The following RALYL variants were observed in gnomAD, a reference collection of about 807,000 sequenced individuals.
RALYL encodes RNA-binding Raly-like protein.
A neutral mutation model predicts 35.1 loss-of-function variants in RALYL; 29 were observed. The ratio of observed to expected loss-of-function variants is 0.83; its 90% CI spans 0.61 to 1.13. The LOEUF (loss-of-function observed/expected upper bound fraction) is 1.13. Among genes scored for constraint, RALYL ranks in the 50% most tolerant of loss-of-function variants. The pLI, the probability that RALYL is intolerant of heterozygous loss-of-function variation, is 0.00. For missense variants in RALYL, 359 were observed against 360.4 expected, an observed-to-expected ratio of 1.00 and a Z score of 0.03; for synonymous variants, 120 against 127.6, an observed-to-expected ratio of 0.94 and a Z score of 0.40.
chr8:84,274,194 T>TGCATATGTGTGC (rs1216582118), intron 1 of RALYL, among the ~76,000 whole-genome samples: 8 of 152,200 alleles, frequency 5.3e-5, no homozygotes, highest in African/African-American at 1.7e-4. Flanking sequence ...GTGGTGGTGA[T>TGCATATGTGTGC]GCATATGTGT....
At chr8:84,913,669 T>C (rs1847947705) in intron 8 of RALYL, among the ~76,000 whole-genome samples, 1 of 151,980 alleles carries the variant, frequency 6.6e-6, no homozygotes. Context: ...GGAAATTCTT[T>C]TATAAACATG....
At chr8:84,284,273 CA>C (rs1343655936) in intron 1 of RALYL, among the ~76,000 whole-genome samples, 1 of 151,934 alleles carries the variant, frequency 6.6e-6, no homozygotes, top group Admixed American at 6.6e-5. Context: ...TTCAATTTTC[CA>C]TTATATAGAA....
At chr8:84,200,730 T>C (rs1300627930) in intron 1 of RALYL, among the ~76,000 whole-genome samples, 2 of 152,128 alleles carry the variant, frequency 1.3e-5, no homozygotes, top group African/African-American at 4.8e-5. Flanking sequence ...ATTTTGCAAA[T>C]AGTTTGTGAG....
At chr8:84,594,638 TAATC>T (rs1814058043) in intron 2 of RALYL, among the ~76,000 whole-genome samples, 1 of 152,190 alleles carries the variant, frequency 6.6e-6, no homozygotes, top group African/African-American at 2.4e-5. Context: ...TATAAATTAT[TAATC>T]AATCTGCCAC....
intron 8 of RALYL, among the ~76,000 whole-genome samples, chr8:84,889,591 G>A (rs781574212): frequency 4.6e-5 from 7 of 152,074 alleles, no homozygotes; most frequent in Non-Finnish European, 8.8e-5. Context: ...ATACTAGAGC[G>A]TTAAATATTA....
intron 1 of RALYL, among the ~76,000 whole-genome samples, chr8:84,241,001 G>A (rs1353318425): frequency 6.6e-6 from 1 of 151,838 alleles, no homozygotes; most frequent in Non-Finnish European, 1.5e-5. Context: ...ATTTAGCTGT[G>A]TGTATTAAAA....
intron 1 of RALYL, among the ~76,000 whole-genome samples, chr8:84,296,399 A>G (rs1370254016): frequency 6.6e-6 from 1 of 152,150 alleles, no homozygotes; most frequent in Non-Finnish European, 1.5e-5. Context: ...CAGTACTTTC[A>G]GATCACATAC....
intron 4 of RALYL, among the ~76,000 whole-genome samples, chr8:84,819,020 T>C (rs779498903): frequency 3.3e-5 from 5 of 152,158 alleles, no homozygotes; most frequent in Non-Finnish European, 5.9e-5. Context: ...GAATTACTAA[T>C]GGCCAATTCA....
chr8:84,836,820 A>G (rs891820369), intron 4 of RALYL, among the ~76,000 whole-genome samples: 1 of 152,204 alleles, frequency 6.6e-6, no homozygotes, highest in Non-Finnish European at 1.5e-5. Flanking sequence ...AGTTAGTTGA[A>G]TTATATCCTG....
intron 5 of RALYL, among the ~76,000 whole-genome samples, chr8:84,859,011 C>T (rs780866062): frequency 1.5e-4 from 23 of 152,056 alleles, no homozygotes; most frequent in Non-Finnish European, 2.5e-4. Flanking sequence ...TTGGGCAAAA[C>T]GCACAAACAA....
intron 5 of RALYL, among the ~76,000 whole-genome samples, chr8:84,854,542 T>A (rs1229204154): frequency 6.6e-6 from 1 of 152,182 alleles, no homozygotes; most frequent in African/African-American, 2.4e-5. Context: ...CCCCAAAGCA[T>A]TCCGGCTGCA....
intron 2 of RALYL, among the ~76,000 whole-genome samples, chr8:84,743,650 CATCTT>C (rs989845370): frequency 3.9e-5 from 6 of 151,972 alleles, no homozygotes; most frequent in Non-Finnish European, 4.4e-5. Context: ...CATCAGGTCA[CATCTT>C]ATCTTAACAT....
intron 1 of RALYL, among the ~76,000 whole-genome samples, chr8:84,398,159 G>C (rs2042531312): frequency 6.6e-6 from 1 of 152,042 alleles, no homozygotes; most frequent in African/African-American, 2.4e-5. Flanking sequence ...ACTTCAGCTT[G>C]GTACTATTAT....
intron 1 of RALYL, among the ~76,000 whole-genome samples, chr8:84,315,187 C>A (rs1243375217): frequency 6.6e-6 from 1 of 152,010 alleles, no homozygotes; most frequent in African/African-American, 2.4e-5. Flanking sequence ...CCCATATACA[C>A]AATCCATGTA....
intron 2 of RALYL, among the ~76,000 whole-genome samples, chr8:84,540,313 TTGTGTGTGTGTGTG>T (rs138650642): frequency 6.9e-6 from 1 of 144,894 alleles, no homozygotes; most frequent in Non-Finnish European, 1.5e-5. Context: ...ATCATAGGAT[TTGTGTGTGTGTGTG>T]TGTGTGTGTG....
At chr8:84,199,353 C>G (rs1380065548) in intron 1 of RALYL, among the ~76,000 whole-genome samples, 1 of 151,990 alleles carries the variant, frequency 6.6e-6, no homozygotes, top group African/African-American at 2.4e-5. Context: ...TTATTAGATT[C>G]CTTCCTATAG....
intron 2 of RALYL, among the ~76,000 whole-genome samples, chr8:84,678,420 C>T (rs148777402): frequency 3.3e-5 from 5 of 151,962 alleles, no homozygotes; most frequent in African/African-American, 1.2e-4. Context: ...TGCACCACCA[C>T]ACCCGGATAA....
chr8:84,225,451 G>T (rs1306330866), intron 1 of RALYL, among the ~76,000 whole-genome samples: 1 of 152,046 alleles, frequency 6.6e-6, no homozygotes, highest in Non-Finnish European at 1.5e-5. Flanking sequence ...GGCTTACAAG[G>T]CCCTGGCTGA....
chr8:84,535,590 C>T (rs954649483), intron 2 of RALYL, among the ~76,000 whole-genome samples: 6 of 96,586 alleles, frequency 6.2e-5, no homozygotes, highest in Admixed American at 6.1e-4. Context: ...TGCCTGCCAC[C>T]ACGCCCGGCT....
Sources: allele counts gnomAD v4.1 joint callset (sites outside exome capture counted in the v4.1 genomes callset), GRCh38; gene constraint gnomAD v4.1.1; transcripts MANE v1.5; gene names NCBI Gene and HGNC (gene_info 2026-07-23, HGNC 2026-07-21).